The following BTBD7 variants were observed in gnomAD, a reference collection of about 807,000 sequenced individuals.
The protein encoded by BTBD7 is BTB/POZ domain-containing protein 7.
BTBD7 carries 38 observed loss-of-function variants against 99.9 expected under a neutral mutation model. That is an observed-to-expected ratio of 0.38 (90% CI 0.29 to 0.50). The LOEUF (loss-of-function observed/expected upper bound fraction) is 0.50. Ranked by LOEUF, BTBD7 falls within the 20% of genes least tolerant of loss-of-function variation. The pLI is 0.93. For missense variants in BTBD7, 1,170 were observed against 1,394.6 expected (o/e 0.84, Z 2.57); for synonymous variants, 520 against 511.4 (o/e 1.02, Z -0.23).
At chr14:93,288,385 C>T in intron 3 of BTBD7, 1 of 628,922 alleles carries the variant, frequency 1.6e-6, no homozygotes, top group Non-Finnish European at 2.8e-6. Context: ...CCTTTCAATG[C>T]TTCCATTATA....
chr14:93,323,852 G>C (rs1357321339), intron 1 of BTBD7, among the ~76,000 whole-genome samples: 1 of 152,104 alleles, frequency 6.6e-6, no homozygotes, highest in African/African-American at 2.4e-5. Context: ...TTAAAAAACT[G>C]CTTTCAAAGC....
chr14:93,291,789 T>TAAA (rs33995662), intron 3 of BTBD7, among the ~76,000 whole-genome samples: 59 of 144,138 alleles, frequency 4.1e-4, no homozygotes, highest in African/African-American at 1.4e-3. Context: ...AGCTAAACAC[T>TAAA]AAAAAAAAAA....
intron 1 of BTBD7, among the ~76,000 whole-genome samples, chr14:93,322,851 T>C (rs1359033988): frequency 2.0e-5 from 3 of 152,234 alleles, no homozygotes; most frequent in Admixed American, 2.0e-4. Context: ...ATGTGGCTCA[T>C]GCCTATAATT....
chr14:93,244,531 C>T (rs2052279384), intron 10 of BTBD7, among the ~76,000 whole-genome samples: 1 of 152,118 alleles, frequency 6.6e-6, no homozygotes, highest in African/African-American at 2.4e-5. Flanking sequence ...TGCCTGTAAT[C>T]CCAGCTACTC....
intron 3 of BTBD7, chr14:93,288,466 C>T (rs2139755250): frequency 2.8e-6 from 2 of 713,608 alleles, no homozygotes; most frequent in East Asian, 2.6e-5. Flanking sequence ...TTATGTCTCA[C>T]TGATTCCATA....
At chr14:93,248,712 C>T (rs1382038014) in intron 8 of BTBD7, 58 bp from the exon 9 acceptor site, 15 of 1,445,654 alleles carry the variant, frequency 1.0e-5, no homozygotes, top group Middle Eastern at 2.5e-4. Context: ...AAGACGACCC[C>T]GTGAGCCCAA....
At chr14:93,287,015 G>A (rs1291276251) in intron 3 of BTBD7, among the ~76,000 whole-genome samples, 1 of 151,654 alleles carries the variant, frequency 6.6e-6, no homozygotes, top group Non-Finnish European at 1.5e-5. Flanking sequence ...ATCACCTGAG[G>A]TCAGGAGTTT....
intron 1 of BTBD7, among the ~76,000 whole-genome samples, chr14:93,329,563 G>A (rs1432696070): frequency 6.6e-6 from 1 of 152,058 alleles, no homozygotes; most frequent in African/African-American, 2.4e-5. Flanking sequence ...CCCATTGAGG[G>A]GAACTTAACA....
chr14:93,260,904 C>CT (rs570324173), intron 5 of BTBD7, among the ~76,000 whole-genome samples: 1,844 of 147,070 alleles, frequency 0.013, 24 homozygotes, highest in South Asian at 0.064. Flanking sequence ...TATTTGTACT[C>CT]TTTTTTTTTT....
At chr14:93,270,899 A>G (rs1308864146) in intron 3 of BTBD7, among the ~76,000 whole-genome samples, 2 of 152,174 alleles carry the variant, frequency 1.3e-5, no homozygotes, top group Non-Finnish European at 2.9e-5. Context: ...TTACAGATCC[A>G]TCTCCTACTT....
chr14:93,301,018 A>G (rs534563896), intron 1 of BTBD7, among the ~76,000 whole-genome samples: 1 of 152,156 alleles, frequency 6.6e-6, no homozygotes, highest in South Asian at 2.1e-4. Flanking sequence ...CTTTAGGAAC[A>G]GGATAGGAAT....
At chr14:93,304,280 A>T (rs1595331913) in intron 1 of BTBD7, among the ~76,000 whole-genome samples, 3 of 152,360 alleles carry the variant, frequency 2.0e-5, no homozygotes, top group Admixed American at 2.0e-4. Context: ...TTGGCTTGAG[A>T]GTGTACAGAA....
rs544493010 is a variant in BTBD7, at chr14:93,238,595, C to T, written c.*3678G>A. ...GAATTCAGTCCTAAAAATATGAATG[C>T]CTTATAATTAATTTCAAAATAAGTA... On this transcript the variant is annotated 3_prime_UTR_variant, in exon 11 of 11. Transcript: ENST00000334746. 3 of 152,370 alleles carry T rather than the reference C, an allele frequency of 2.0e-5. No individual in the cohort carries two copies. In the East Asian group the frequency reaches 5.8e-4, roughly 29 times the overall value. The allele number at this position is 152,370 out of a possible 1,614,324, so 9.4% of individuals were successfully genotyped here. A position where few individuals can be genotyped will look rare whatever the true frequency, so the allele number is the denominator to read the frequency against.
chr14:93,254,870 G>A (rs1019969495), intron 6 of BTBD7, among the ~76,000 whole-genome samples: 1 of 152,164 alleles, frequency 6.6e-6, no homozygotes, highest in Non-Finnish European at 1.5e-5. Flanking sequence ...TGTTAGGCAC[G>A]GAGTTAAGAG....
intron 1 of BTBD7, among the ~76,000 whole-genome samples, chr14:93,310,530 CA>C (rs2053124582): frequency 6.6e-6 from 1 of 152,032 alleles, no homozygotes; most frequent in Non-Finnish European, 1.5e-5. Context: ...CTTGTATTTA[CA>C]GTAAATTGAT....
rs2052440938 is a variant in BTBD7, at chr14:93,257,279, C to T, written c.1524G>A (p.Glu508=). ...GVKRRDLDME[E]LREILSSLLP... ...AGAGAGAAGAAAGGATCTCTCTGAG[C>T]TCTTCCATGTCCAGGTCCCGTCTTT... The change falls in exon 6 of 11, where the codon GAG becomes GAA. Residue 508 remains glutamate (E), a synonymous_variant. Transcript: ENST00000334746. The T allele has an allele frequency of 2.5e-6, 4 of 1,614,138 alleles. No homozygotes were observed. Among genetic ancestry groups the T allele is most frequent in the Non-Finnish European group, 3.4e-6 (4 of 1,179,998 alleles).
chr14:93,310,626 T>A (rs2053125747), intron 1 of BTBD7, among the ~76,000 whole-genome samples: 1 of 152,104 alleles, frequency 6.6e-6, no homozygotes, highest in Non-Finnish European at 1.5e-5. Context: ...GCACCTGTAG[T>A]CCCAGGTACT....
Position 93,296,130 on chromosome 14 carries a change from G to A in BTBD7, c.-79C>T. ...GAGGCCTTTATGAACCTTCAACCCTGGATCCAGCAGCCTCTTTTCATCCAT... is the reference window on the plus strand; with the variant it reads ...GAGGCCTTTATGAACCTTCAACCCTAGATCCAGCAGCCTCTTTTCATCCAT... On this transcript the variant is annotated 5_prime_UTR_variant, in exon 2 of 11. It introduces an in-frame stop codon into an upstream open reading frame of the 5' UTR. Transcript: ENST00000334746. 1 of 1,429,656 alleles carries A rather than the reference G, an allele frequency of 7.0e-7. No individual in the cohort carries two copies. The highest frequency in any genetic ancestry group is 1.7e-5 in the South Asian group (1 of 59,262). The allele number at this position is 1,429,656 out of a possible 1,614,324, so 88.6% of individuals were successfully genotyped here. A position where few individuals can be genotyped will look rare whatever the true frequency, so the allele number is the denominator to read the frequency against.
At chr14:93,288,700 A>G (rs757725659) in intron 3 of BTBD7, 1 of 1,609,336 alleles carries the variant, frequency 6.2e-7, no homozygotes, top group Non-Finnish European at 8.5e-7. Flanking sequence ...TGATGACTGT[A>G]GTCTCCTCTG....
Sources: allele counts gnomAD v4.1 joint callset (sites outside exome capture counted in the v4.1 genomes callset), GRCh38; gene constraint gnomAD v4.1.1; transcripts MANE v1.5; gene names NCBI Gene and HGNC (gene_info 2026-07-23, HGNC 2026-07-21).